The following RRAGC variants were observed in gnomAD, a reference collection of about 807,000 sequenced individuals.
RRAGC encodes the protein ras-related GTP-binding protein C.
Under a neutral mutation model 37.1 loss-of-function variants are expected in RRAGC, and 8 were observed. The observed-to-expected ratio is 0.22, with a 90% confidence interval of 0.13 to 0.39. The LOEUF (loss-of-function observed/expected upper bound fraction) is 0.39. Ranked by LOEUF, RRAGC falls within the 10% of genes least tolerant of loss-of-function variation. The pLI is 1.00. For missense variants in RRAGC, 342 were observed against 497.6 expected, an observed-to-expected ratio of 0.69 and a Z score of 2.98; for synonymous variants, 190 against 181.1, an observed-to-expected ratio of 1.05 and a Z score of -0.39.
chr1:38,855,574 C>G (rs1318330273), intron 3 of RRAGC, 134 bp downstream of exon 3: 1 of 758,922 alleles, frequency 1.3e-6, no homozygotes, highest in African/African-American at 1.8e-5. Context: ...TGGAATTCAA[C>G]AACAAGATCA....
At chr1:38,849,878 T>C (rs939868571) in intron 5 of RRAGC, among the ~76,000 whole-genome samples, 3 of 152,082 alleles carry the variant, frequency 2.0e-5, no homozygotes, top group Non-Finnish European at 4.4e-5. Flanking sequence ...CTAAAATATA[T>C]AATAAACTGA....
At chr1:38,859,159 G>T (rs1472161517) in intron 1 of RRAGC, among the ~76,000 whole-genome samples, 3 of 152,252 alleles carry the variant, frequency 2.0e-5, no homozygotes, top group Non-Finnish European at 4.4e-5. Flanking sequence ...GTCTTGGGCG[G>T]TGCCACCGGG....
chr1:38,845,057 G>C (rs535022670), intron 6 of RRAGC, among the ~76,000 whole-genome samples: 1 of 152,346 alleles, frequency 6.6e-6, no homozygotes, highest in South Asian at 2.1e-4. Context: ...CATTGTGGAA[G>C]ACAGTGTGGT....
At chr1:38,858,517 G>A (rs1441415743) in intron 1 of RRAGC, among the ~76,000 whole-genome samples, 2 of 152,168 alleles carry the variant, frequency 1.3e-5, no homozygotes, top group South Asian at 4.1e-4. Flanking sequence ...GGCCAACATG[G>A]TGAAACCCCG....
In RRAGC at chr1:38,844,609, G is replaced by A. The variant is rs1355056868; in HGVS notation, c.1048+1330C>T. Among the ~76,000 whole-genome samples the A allele has an allele frequency of 2.6e-5, 4 of 152,290 alleles. No individual in the cohort carries two copies. The East Asian group carries it at 5.8e-4, about 22-fold the overall frequency. On this transcript the variant is annotated intron_variant, in intron 6 of 6. Coordinates refer to ENST00000373001, the MANE Select transcript of RRAGC (RefSeq NM_022157.4). ...CTTAGAAGATTGAAAAGCCTGCAGA[G>A]TAAGAAAAGGCCACTGAATGCAGGA...
intron 6 of RRAGC, 81 bp from the exon 7 acceptor site, chr1:38,839,785 C>T: frequency 7.3e-7 from 1 of 1,369,784 alleles, no homozygotes; most frequent in Middle Eastern, 1.8e-4. Context: ...CCAAAAATAA[C>T]TCGGATAAAC....
chr1:38,859,310 G>T, intron 1 of RRAGC, 100 bp downstream of exon 1: 2 of 1,100,732 alleles, frequency 1.8e-6, no homozygotes, highest in South Asian at 1.5e-5. Flanking sequence ...CGGAGGGACG[G>T]AGCGCAGGCG....
intron 6 of RRAGC, among the ~76,000 whole-genome samples, chr1:38,840,200 A>G (rs1363667889): frequency 2.6e-5 from 4 of 152,024 alleles, no homozygotes; most frequent in African/African-American, 2.4e-5. Flanking sequence ...CCACCATCAT[A>G]ACGTTCTGCT....
rs767798265 is a variant in RRAGC at position 38,855,852 on chromosome 1, T to C, written c.497A>G (p.Lys166Arg). The change falls in exon 3 of 7, where the codon AAA becomes AGA. Residue 166 changes from lysine to arginine, a missense_variant. This residue lies in a region of RRAGC where 134 missense variants were observed against 277.2 expected (regional missense o/e 0.48). Transcript: ENST00000373001. The part of the protein sequence containing the change: ...RLHITVSKAY[K>R]VNPDMNFEVF... ...CTCAAAATTCATGTCTGGGTTAACT[T>C]TGTAGGCTTTAGAAACAGTAATGTG... 2 of 1,614,008 alleles carry C rather than the reference T, an allele frequency of 1.2e-6. No individual in the cohort carries two copies. Among genetic ancestry groups the C allele is most frequent in the African/African-American group, 1.3e-5 (1 of 75,032 alleles).
chr1:38,843,377 A>C (rs1034169780), intron 6 of RRAGC, among the ~76,000 whole-genome samples: 23 of 152,142 alleles, frequency 1.5e-4, no homozygotes, highest in African/African-American at 5.3e-4. Flanking sequence ...TGAAAGGTGA[A>C]GATACATGTT....
intron 1 of RRAGC, among the ~76,000 whole-genome samples, chr1:38,858,126 C>T (rs1642189487): frequency 6.6e-6 from 1 of 152,110 alleles, no homozygotes; most frequent in African/African-American, 2.4e-5. Flanking sequence ...CTACAGTCAA[C>T]GTACCCAAGT....
chr1:38,845,917 C>T, intron 6 of RRAGC, 22 bp downstream of exon 6: 1 of 1,577,080 alleles, frequency 6.3e-7, no homozygotes, highest in African/African-American at 1.4e-5. Flanking sequence ...AACATAAAAA[C>T]AGCTTTTTAA....
Position 38,838,723 on chromosome 1 carries a change from G to A in RRAGC, c.*830C>T, listed in dbSNP as rs1394919431. 1 of 152,172 alleles carries A rather than the reference G, an allele frequency of 6.6e-6. No homozygotes were observed. The highest frequency in any genetic ancestry group is 1.5e-5 in the Non-Finnish European group (1 of 68,044). 9.4% of individuals were successfully genotyped at this position (152,172 alleles called of 1,614,324 possible). On this transcript the variant is annotated 3_prime_UTR_variant, in exon 7 of 7. Coordinates refer to ENST00000373001, the MANE Select transcript of RRAGC (RefSeq NM_022157.4). ...AGCTTAGAATAAAAGGTCTGTAGAG[G>A]CTGATATCAAGATTAAAGTAAGCTA...
At chr1:38,855,678 G>A (rs375954532) in intron 3 of RRAGC, 30 bp downstream of exon 3, 2 of 1,562,352 alleles carry the variant, frequency 1.3e-6, no homozygotes, top group African/African-American at 1.4e-5. Flanking sequence ...CCTTGTTCAG[G>A]GCTTTCATAT....
In RRAGC at chr1:38,859,664, C is replaced by T; in HGVS notation, c.-18G>A. The T allele has an allele frequency of 6.5e-7, 1 of 1,532,510 alleles. No individual in the cohort carries two copies. The highest frequency in any genetic ancestry group is 2.0e-5 in the Admixed American group (1 of 49,948). The allele number at this position is 1,532,510 out of a possible 1,614,324, so 94.9% of individuals were successfully genotyped here. On this transcript the variant is annotated 5_prime_UTR_variant, in exon 1 of 7. Transcript: ENST00000373001. The stretch of plus-strand genomic sequence containing the variant: ...AGGGACATGGTGCTGGAGCCGCCGC[C>T]GCCCGCGCCCTGACAGGCCAGGCCA...
At chr1:38,843,717 C>CA (rs397951414) in intron 6 of RRAGC, among the ~76,000 whole-genome samples, 2,105 of 71,636 alleles carry the variant, frequency 0.029, 44 homozygotes, top group Admixed American at 0.12. Context: ...GAGACTGTCT[C>CA]AAAAAAAAAA....
At chr1:38,857,752 G>A (rs1044625233) in intron 1 of RRAGC, among the ~76,000 whole-genome samples, 13 of 152,224 alleles carry the variant, frequency 8.5e-5, no homozygotes, top group East Asian at 3.9e-4. Context: ...TTGAGGTCAG[G>A]AGTTCGAGAC....
chr1:38,859,004 G>A (rs1036099404), intron 1 of RRAGC, among the ~76,000 whole-genome samples: 3 of 152,236 alleles, frequency 2.0e-5, no homozygotes, highest in African/African-American at 7.2e-5. Flanking sequence ...GGCTCTGCTG[G>A]GAATCCCGAA....
Position 38,855,925 on chromosome 1 carries a change from A to T in RRAGC, c.442-18T>A. 1 of 1,579,818 alleles carries T rather than the reference A, an allele frequency of 6.3e-7. No individual in the cohort carries two copies. The highest frequency in any genetic ancestry group is 8.6e-7 in the Non-Finnish European group (1 of 1,156,706). ...TAGTCATCCTGTAAGTCAGAACAAA[A>T]TATTTTTTAAAATAAATCTTACAAA... On this transcript the variant is annotated intron_variant, in intron 2 of 6. Transcript: ENST00000373001.
Sources: allele counts gnomAD v4.1 joint callset (sites outside exome capture counted in the v4.1 genomes callset), GRCh38; gene constraint gnomAD v4.1.1; regional missense constraint gnomAD v4.1.1; transcripts MANE v1.5; gene names NCBI Gene and HGNC (gene_info 2026-07-23, HGNC 2026-07-21).